The following CDH18 variants were observed in gnomAD, a reference collection of about 807,000 sequenced individuals.
The protein encoded by CDH18 is cadherin 18.
In CDH18, 31 loss-of-function variants were observed where a neutral mutation model predicts 67.9. The observed-to-expected ratio is 0.46, with a 90% CI of 0.34 to 0.62. The LOEUF is 0.62. CDH18 is among the 20% of genes least tolerant of loss of function. The probability of loss-of-function intolerance (pLI) is 0.01; values close to 1 mark genes in which losing one functional copy is unlikely to be tolerated. For missense variants in CDH18, 890 were observed against 975.5 expected, an observed-to-expected ratio of 0.91 and a Z score of 1.17; for synonymous variants, 362 against 347.2, an observed-to-expected ratio of 1.04 and a Z score of -0.48.
At chr5:20,463,193 G>A (rs1751391723) in intron 1 of CDH18, among the ~76,000 whole-genome samples, 1 of 144,556 alleles carries the variant, frequency 6.9e-6, no homozygotes, top group Non-Finnish European at 1.6e-5. Context: ...CTCTACTCCT[G>A]GCATTATACA....
At chr5:19,819,787 G>A (rs1779668115) in intron 3 of CDH18, among the ~76,000 whole-genome samples, 1 of 152,144 alleles carries the variant, frequency 6.6e-6, no homozygotes, top group Non-Finnish European at 1.5e-5. Context: ...TCTGGCTCCT[G>A]TGAATGGCCA....
intron 2 of CDH18, among the ~76,000 whole-genome samples, chr5:19,995,873 A>G (rs1162420560): frequency 6.6e-6 from 1 of 151,948 alleles, no homozygotes; most frequent in Non-Finnish European, 1.5e-5. Flanking sequence ...ACACAGTTCA[A>G]CCTCCCATAT....
intron 2 of CDH18, among the ~76,000 whole-genome samples, chr5:20,222,699 C>T (rs1319934192): frequency 8.0e-5 from 12 of 150,900 alleles, no homozygotes; most frequent in East Asian, 3.9e-4. Flanking sequence ...ATAGTGTGTA[C>T]GCCAACTATG....
At position 19,838,968 on chromosome 5, in the gene CDH18, A is replaced by T. The variant is rs766409584; in HGVS notation, c.19T>A (p.Ser7Thr). The change falls in exon 3 of 13, where the codon TCT becomes ACT. Residue 7 changes from serine (S) to threonine (T), a missense_variant. Around this residue, in one of 2 missense-constraint regions of CDH18, gnomAD observed 234 missense variants for 307.4 expected, o/e 0.76. Transcript: ENST00000382275. Reference sequence around the variant, plus strand: ...CACACTAGGACTGGACAGATGCAAGATGTGCTAGTAATTTTCATTGTAAGA... The same window carrying T: ...CACACTAGGACTGGACAGATGCAAGTTGTGCTAGTAATTTTCATTGTAAGA... MKITSTSCICPVLVCLC... is the reference protein window; with the variant it reads MKITSTTCICPVLVCLC... 6.2e-7 allele frequency: 1 copy of T among 1,612,752 alleles called. No individual in the cohort carries two copies. The highest frequency in any genetic ancestry group is 2.2e-5 in the East Asian group (1 of 44,822).
chr5:20,564,309 G>A (rs770160725), intron 1 of CDH18, among the ~76,000 whole-genome samples: 88 of 79,326 alleles, frequency 1.1e-3, no homozygotes, highest in Admixed American at 1.8e-3. Context: ...ATGGAGTTTC[G>A]CTCTGTCACC....
intron 1 of CDH18, among the ~76,000 whole-genome samples, chr5:20,300,743 T>C (rs1016939959): frequency 6.6e-6 from 1 of 152,198 alleles, no homozygotes; most frequent in Non-Finnish European, 1.5e-5. Context: ...TAAATTGATA[T>C]TACTTCCTAA....
intron 2 of CDH18, among the ~76,000 whole-genome samples, chr5:20,170,067 G>C (rs1256045645): frequency 6.6e-6 from 1 of 151,750 alleles, no homozygotes; most frequent in African/African-American, 2.4e-5. Flanking sequence ...AGAACGTGCA[G>C]GTTTGTTACA....
At chr5:19,815,098 A>C (rs1779145775) in intron 3 of CDH18, among the ~76,000 whole-genome samples, 1 of 152,048 alleles carries the variant, frequency 6.6e-6, no homozygotes, top group South Asian at 2.1e-4. Context: ...TTTATTTAAA[A>C]AACTCCTAAG....
intron 11 of CDH18, among the ~76,000 whole-genome samples, chr5:19,487,248 A>AGAT (rs1740553645): frequency 6.6e-6 from 1 of 152,200 alleles, no homozygotes; most frequent in Admixed American, 6.5e-5. Flanking sequence ...TAGATAGATT[A>AGAT]GATAGACAAA....
At chr5:19,478,118 C>T (rs1162182889) in intron 12 of CDH18, among the ~76,000 whole-genome samples, 1 of 152,006 alleles carries the variant, frequency 6.6e-6, no homozygotes, top group African/African-American at 2.4e-5. Context: ...TATTTGTTTT[C>T]TCATAATATG....
intron 2 of CDH18, among the ~76,000 whole-genome samples, chr5:20,018,020 A>G (rs1332824932): frequency 1.3e-5 from 2 of 152,212 alleles, no homozygotes; most frequent in Non-Finnish European, 2.9e-5. Context: ...GAGAAAACTA[A>G]TATTAGTTGT....
At chr5:19,698,287 T>C (rs1561077605) in intron 5 of CDH18, among the ~76,000 whole-genome samples, 1 of 152,172 alleles carries the variant, frequency 6.6e-6, no homozygotes, top group African/African-American at 2.4e-5. Context: ...GAAAGCATTA[T>C]CATTTTATGA....
chr5:20,285,874 G>A (rs2126717375), intron 1 of CDH18, among the ~76,000 whole-genome samples: 1 of 151,746 alleles, frequency 6.6e-6, no homozygotes, highest in Admixed American at 6.6e-5. Flanking sequence ...AAAAGTGGGA[G>A]TTTTTGTTCT....
chr5:20,285,664 G>C (rs1023330615), intron 1 of CDH18, among the ~76,000 whole-genome samples: 1 of 151,320 alleles, frequency 6.6e-6, no homozygotes, highest in African/African-American at 2.4e-5. Context: ...GAGGCCAGTT[G>C]CTTGTAAATC....
chr5:20,163,257 C>G (rs113195173), intron 2 of CDH18, among the ~76,000 whole-genome samples: 2 of 151,922 alleles, frequency 1.3e-5, no homozygotes, highest in Non-Finnish European at 2.9e-5. Context: ...CCCTAATGCC[C>G]TTATCAAACT....
chr5:19,742,154 G>A (rs1024276225), intron 4 of CDH18, among the ~76,000 whole-genome samples: 4 of 151,920 alleles, frequency 2.6e-5, no homozygotes, highest in South Asian at 2.1e-4. Flanking sequence ...ATTGCCCACC[G>A]ACAAGAAATA....
rs780381771 is a variant in CDH18 at position 19,766,948 on chromosome 5, G to C, written c.229-19712C>G. Among the ~76,000 whole-genome samples, 59 of 151,906 alleles carry C rather than the reference G, an allele frequency of 3.9e-4. 1 individual carries two copies. In the Middle Eastern group the frequency reaches 0.01, roughly 26 times the overall value. On this transcript the variant is annotated intron_variant, in intron 3 of 12. Coordinates refer to ENST00000382275, the MANE Select transcript of CDH18 (RefSeq NM_004934.5). ...TCTTTCCAACTTCACTCTCATTGAG[G>C]GGAGGAGCCAAATTTCATTCATTTT...
chr5:19,931,684 T>C (rs1456051843), intron 2 of CDH18, among the ~76,000 whole-genome samples: 1 of 151,876 alleles, frequency 6.6e-6, no homozygotes, highest in Non-Finnish European at 1.5e-5. Context: ...TTTTCATATA[T>C]AGAAATGGGA....
rs979650752 is a variant in CDH18, at chr5:20,187,036, G to C, written c.-518+68408C>G. On this transcript the variant is annotated intron_variant, in intron 2 of 14. Coordinates refer to the CDH18 transcript ENST00000507958. ...AAGACACGTTAAGTGAAAGAAGCCA[G>C]TCACAAAAATATAAATACGGTATGA... Among the ~76,000 whole-genome samples the C allele has an allele frequency of 2.6e-5, 4 of 151,960 alleles. 1 individual carries two copies. In the South Asian group the frequency reaches 8.3e-4, roughly 31 times the overall value.
Sources: allele counts gnomAD v4.1 joint callset (sites outside exome capture counted in the v4.1 genomes callset), GRCh38; gene constraint gnomAD v4.1.1; regional missense constraint gnomAD v4.1.1; transcripts MANE v1.5; gene names NCBI Gene and HGNC (gene_info 2026-07-23, HGNC 2026-07-21).